ZNF264: variants seen among roughly 807,000 people sequenced by gnomAD.
ZNF264 encodes the protein zinc finger protein 264.
Under a neutral mutation model 11.2 loss-of-function variants are expected in ZNF264, and 11 were observed. The ratio of observed to expected loss-of-function variants is 0.98; its 90% CI spans 0.62 to 1.63. ZNF264 has a LOEUF of 1.63. ZNF264 is among the 40% of genes most tolerant of loss of function. The pLI is 0.00. For missense variants in ZNF264, 752 were observed against 768.1 expected (o/e 0.98, Z 0.25); for synonymous variants, 309 against 279.8 (o/e 1.10, Z -1.04).
At chr19:57,209,940 A>G (rs946785568) in intron 3 of ZNF264, among the ~76,000 whole-genome samples, 2 of 152,102 alleles carry the variant, frequency 1.3e-5, no homozygotes, top group Admixed American at 1.3e-4. Context: ...GGTCATGTGT[A>G]TGGTGCTAAT....
At chr19:57,197,354 A>T (rs552509424) in intron 2 of ZNF264, among the ~76,000 whole-genome samples, 1 of 152,010 alleles carries the variant, frequency 6.6e-6, no homozygotes, top group African/African-American at 2.4e-5. Context: ...TGGTGATTTG[A>T]TGACCCATAG....
chr19:57,205,599 A>C lies in ZNF264; in HGVS notation c.256+107A>C, dbSNP rs773559579. ...AAGCTTCTCATTGTGGCCTCTCTCT[A>C]TATAACTCTTATATAACTCTATCAC... is the stretch of plus-strand genomic sequence containing the variant. On this transcript the variant is annotated intron_variant, in intron 3 of 3. Transcript: ENST00000263095. 141 of 963,518 alleles carry C rather than the reference A, an allele frequency of 1.5e-4. 1 individual carries two copies. The highest frequency in any genetic ancestry group is 1.8e-4 in the Non-Finnish European group (112 of 615,576). 59.7% of individuals were successfully genotyped at this position (963,518 alleles called of 1,614,324 possible). A position where few individuals can be genotyped will look rare whatever the true frequency, so the allele number is the denominator to read the frequency against.
In ZNF264 at chr19:57,191,934, G is replaced by T; in HGVS notation, c.21G>T (p.Thr7=). 1.3e-6 allele frequency: 2 copies of T among 1,535,914 alleles called. No individual in the cohort carries two copies. The highest frequency in any genetic ancestry group is 8.8e-7 in the Non-Finnish European group (1 of 1,139,772). Residue 7 remains threonine (T), a synonymous_variant, in exon 1 of 4, where the codon ACG becomes ACT. Coordinates refer to ENST00000263095, the MANE Select transcript of ZNF264 (RefSeq NM_003417.5). MAAAVL[T]DRAQVSVTFD... ...ACGTGATGGCGGCAGCGGTGCTGACGGACCGGGCCCAGGTGAGTGGACGGT... is the reference window on the plus strand; with the variant it reads ...ACGTGATGGCGGCAGCGGTGCTGACTGACCGGGCCCAGGTGAGTGGACGGT...
chr19:57,193,538 C>G, intron 1 of ZNF264: 1 of 985,334 alleles, frequency 1.0e-6, no homozygotes, highest in Non-Finnish European at 1.2e-6. Context: ...CAGTGAGACT[C>G]AGGTACTGCC....
Position 57,212,699 on chromosome 19 carries a change from T to A in ZNF264, c.1602T>A (p.Thr534=), listed in dbSNP as rs1568477416. 2 of 1,614,180 alleles carry A rather than the reference T, an allele frequency of 1.2e-6. No homozygotes were observed. The highest frequency in any genetic ancestry group is 1.7e-6 in the Non-Finnish European group (2 of 1,180,024). The change falls in exon 4 of 4, where the codon ACT becomes ACA. Residue 534 remains threonine, a synonymous_variant. Transcript: ENST00000263095. ...TNLIRHAIIH[T]GEKPYKCSEC... Reference sequence around the variant, plus strand: ...TCATTCGACATGCCATTATCCACACTGGAGAGAAGCCCTATAAATGTAGTG... The same window carrying A: ...TCATTCGACATGCCATTATCCACACAGGAGAGAAGCCCTATAAATGTAGTG...
intron 1 of ZNF264, 51 bp from the exon 2 acceptor site, chr19:57,193,824 C>A: frequency 1.2e-6 from 2 of 1,604,474 alleles, no homozygotes; most frequent in Admixed American, 1.7e-5. Flanking sequence ...AGTCTGTGAT[C>A]TCATTCAGCA....
intron 3 of ZNF264, among the ~76,000 whole-genome samples, chr19:57,208,399 C>T (rs2087310032): frequency 6.6e-6 from 1 of 151,860 alleles, no homozygotes. Flanking sequence ...AAAAAATTAG[C>T]TGGGCATGGT....
chr19:57,206,579 T>C (rs2087294659), intron 3 of ZNF264, among the ~76,000 whole-genome samples: 2 of 152,174 alleles, frequency 1.3e-5, no homozygotes, highest in South Asian at 4.1e-4. Context: ...AAAGATGTTA[T>C]GTGATACATT....
chr19:57,217,018 A>G lies in ZNF264; in HGVS notation c.*4037A>G, dbSNP rs1266172903. 1.1e-4 allele frequency: 17 copies of G among 152,198 alleles called. No homozygotes were observed. The highest frequency in any genetic ancestry group is 2.4e-5 in the African/African-American group (1 of 41,442). 9.4% of individuals were successfully genotyped at this position (152,198 alleles called of 1,614,324 possible). On this transcript the variant is annotated 3_prime_UTR_variant, in exon 4 of 4. Coordinates refer to ENST00000263095, the MANE Select transcript of ZNF264 (RefSeq NM_003417.5). Reference sequence around the variant, plus strand: ...TAATACACCTACCCTGCTGAACATCATAGCCGATCTTGCCTTCAGAATGCT... The same window carrying G: ...TAATACACCTACCCTGCTGAACATCGTAGCCGATCTTGCCTTCAGAATGCT...
At position 57,212,050 on chromosome 19, in the gene ZNF264, C is replaced by T; in HGVS notation, c.953C>T (p.Thr318Ile). The T allele has an allele frequency of 6.2e-7, 1 of 1,613,802 alleles. No individual in the cohort carries two copies. The highest frequency in any genetic ancestry group is 8.5e-7 in the Non-Finnish European group (1 of 1,179,954). The change falls in exon 4 of 4, where the codon ACA (threonine) becomes ATA (isoleucine). Residue 318 changes from threonine (T) to isoleucine (I), a missense_variant. Coordinates refer to ENST00000263095, the MANE Select transcript of ZNF264 (RefSeq NM_003417.5). ...ACTGGAGAAAAATCCTTTGTGTGCA[C>T]AGAATGTGGCCAAGTCTTTCGACAT... is the stretch of plus-strand genomic sequence containing the variant. ...RHTGEKSFVC[T>I]ECGQVFRHRP...
At chr19:57,207,545 C>CTTTTTTTTTTTTTT (rs757880568) in intron 3 of ZNF264, among the ~76,000 whole-genome samples, 26 of 103,068 alleles carry the variant, frequency 2.5e-4, no homozygotes, top group African/African-American at 3.7e-4. Flanking sequence ...TTTTTCTTTT[C>CTTTTTTTTTTTTTT]TTTTTTTTTT....
chr19:57,198,902 T>C (rs899488424), intron 2 of ZNF264, among the ~76,000 whole-genome samples: 4 of 151,948 alleles, frequency 2.6e-5, no homozygotes, highest in African/African-American at 9.7e-5. Flanking sequence ...GTTCTGGGTC[T>C]GTAAACTAGC....
At chr19:57,210,879 G>A (rs1666929377) in intron 3 of ZNF264, among the ~76,000 whole-genome samples, 1 of 152,126 alleles carries the variant, frequency 6.6e-6, no homozygotes. Context: ...AAAACATTTT[G>A]GAACTACTCA....
In ZNF264 at chr19:57,206,962, C is replaced by T. The variant is rs563508499; in HGVS notation, c.256+1470C>T. On this transcript the variant is annotated intron_variant, in intron 3 of 3. Coordinates refer to ENST00000263095, the MANE Select transcript of ZNF264 (RefSeq NM_003417.5). ...CCACTGCAGAGCCTTGGCCTCTGCC[C>T]GCGTGGGTTCCTTGAGCTGCTCATC... is the stretch of plus-strand genomic sequence containing the variant. Among the ~76,000 whole-genome samples, 28 of 142,510 alleles carry T rather than the reference C, an allele frequency of 2.0e-4. No homozygotes were observed. In the South Asian group the frequency reaches 4.3e-3, roughly 22 times the overall value. 93.5% of individuals were successfully genotyped at this position (142,510 alleles called of 152,430 possible).
chr19:57,221,793 A>T lies in ZNF264; in HGVS notation c.*8812A>T, dbSNP rs1368481487. ...TTATCCCCCTTTCAGCTGGGGGGAA[A>T]AAAAGGCACCGAAAAACAGGGCAGT... On this transcript the variant is annotated 3_prime_UTR_variant, in exon 4 of 4. Coordinates refer to ENST00000263095, the MANE Select transcript of ZNF264 (RefSeq NM_003417.5). The T allele has an allele frequency of 6.6e-6, 1 of 152,086 alleles. No individual in the cohort carries two copies. Among genetic ancestry groups the T allele is most frequent in the East Asian group, 1.9e-4 (1 of 5,172 alleles). The allele number at this position is 152,086 out of a possible 1,614,324, so 9.4% of individuals were successfully genotyped here.
intron 1 of ZNF264, among the ~76,000 whole-genome samples, chr19:57,193,317 A>C (rs1156365841): frequency 6.6e-6 from 1 of 152,248 alleles, no homozygotes; most frequent in South Asian, 2.1e-4. Flanking sequence ...CCCAGAGCAC[A>C]CTGAGCATTG....
intron 2 of ZNF264, chr19:57,194,757 C>G: frequency 7.5e-6 from 3 of 399,958 alleles, no homozygotes. Context: ...AAATGTTGAT[C>G]TCTTTTGGCA....
intron 1 of ZNF264, 33 bp from the exon 2 acceptor site, chr19:57,193,842 G>C (rs756553624): frequency 6.2e-7 from 1 of 1,612,064 alleles, no homozygotes; most frequent in East Asian, 2.2e-5. Context: ...GCAGCTGAAA[G>C]GCCAATACTA....
intron 1 of ZNF264, among the ~76,000 whole-genome samples, chr19:57,192,967 G>A (rs1197078243): frequency 2.6e-5 from 4 of 152,078 alleles, no homozygotes; most frequent in Non-Finnish European, 5.9e-5. Context: ...CTGGCCTCAA[G>A]CGATCCGCCC....
Sources: allele counts gnomAD v4.1 joint callset (sites outside exome capture counted in the v4.1 genomes callset), GRCh38; gene constraint gnomAD v4.1.1; transcripts MANE v1.5; gene names NCBI Gene and HGNC (gene_info 2026-07-23, HGNC 2026-07-21).